Variants in DNAH1 observed in about 807,000 individuals in gnomAD.
DNAH1 encodes dynein axonemal heavy chain 1, also known as axonemal beta dynein heavy chain 1.
DNAH1 carries 327 observed loss-of-function variants against 484.3 expected under a neutral mutation model. The observed-to-expected ratio is 0.68, with a 90% CI of 0.62 to 0.74. DNAH1 has a LOEUF of 0.74. Ranked by LOEUF, DNAH1 falls within the 30% of genes least tolerant of loss-of-function variation. The pLI is 0.00. For synonymous variants in DNAH1, 2,192 were observed against 2,191.9 expected, an observed-to-expected ratio of 1.00 and a Z score of 0.00; for missense variants, 5,052 against 5,546.8, an observed-to-expected ratio of 0.91 and a Z score of 2.83.
chr3:52,397,078 C>T, intron 73 of DNAH1, 34 bp downstream of exon 73: 4 of 1,544,404 alleles, frequency 2.6e-6, no homozygotes, highest in Non-Finnish European at 3.5e-6. Flanking sequence ...ACAGGAGGGG[C>T]CTGCCAGCCT....
rs1559491280 is a variant in DNAH1 at position 52,327,955 on chromosome 3, T to C, written c.812T>C (p.Leu271Pro). ...AACATGGGCTTGGAGCCAGGGTCTCTGGACAGGAAACCTGTCCCGGGAAAA... is the reference window on the plus strand; with the variant it reads ...AACATGGGCTTGGAGCCAGGGTCTCCGGACAGGAAACCTGTCCCGGGAAAA... ...WINMGLEPGSLDRKPVPGKAL... is the reference protein window; with the variant it reads ...WINMGLEPGSPDRKPVPGKAL... Residue 271 changes from leucine (L) to proline (P), a missense_variant, in exon 6 of 78, where the codon CTG becomes CCG. This residue lies in a region of DNAH1 where 1,263 missense variants were observed against 1,218.8 expected (regional missense o/e 1.04). Coordinates refer to ENST00000420323, the MANE Select transcript of DNAH1 (RefSeq NM_015512.5). The C allele has an allele frequency of 6.2e-7, 1 of 1,613,978 alleles. No individual in the cohort carries two copies. Among genetic ancestry groups the C allele is most frequent in the South Asian group, 1.1e-5 (1 of 91,084 alleles).
Position 52,391,314 on chromosome 3 carries a change from G to A in DNAH1, c.9877G>A (p.Val3293Met). 6.2e-7 allele frequency: 1 copy of A among 1,610,746 alleles called. No homozygotes were observed. Among genetic ancestry groups the A allele is most frequent in the Non-Finnish European group, 8.5e-7 (1 of 1,178,460 alleles). ...GEELDPALEP[V>M]LLKQTYKQQG... ...GGAGCTAGACCCAGCCCTGGAGCCA[G>A]TGCTGCTCAAGCAGGTGGGTCTGCA... The change falls in exon 62 of 78, where the codon GTG (valine) becomes ATG (methionine). Residue 3293 changes from valine to methionine, a missense_variant. Transcript: ENST00000420323.
chr3:52,340,844 C>T (rs902833112), intron 8 of DNAH1, among the ~76,000 whole-genome samples: 1 of 152,120 alleles, frequency 6.6e-6, no homozygotes, highest in Admixed American at 6.5e-5. Context: ...GTGTGAGAGA[C>T]AGCTCACTGG....
At chr3:52,360,552 A>G (rs1459298753) in intron 28 of DNAH1, 128 bp downstream of exon 28, 4 of 745,396 alleles carry the variant, frequency 5.4e-6, no homozygotes, top group Middle Eastern at 7.7e-4. Context: ...GGTTAGGACC[A>G]AGGGCTTTGG....
chr3:52,346,461 G>T lies in DNAH1; in HGVS notation c.1657-11G>T, dbSNP rs1442719088. 3 of 1,601,194 alleles carry T rather than the reference G, an allele frequency of 1.9e-6. No homozygotes were observed. In the South Asian group the frequency reaches 3.4e-5, roughly 18 times the overall value. ...AGGGTGGCCATATGATGATGCCTGTGGCCACTCTAGGTGCAGATGTTCCTC... is the reference window on the plus strand; with the variant it reads ...AGGGTGGCCATATGATGATGCCTGTTGCCACTCTAGGTGCAGATGTTCCTC... On this transcript the variant is annotated splice_polypyrimidine_tract_variant and intron_variant, in intron 10 of 77. Coordinates refer to ENST00000420323, the MANE Select transcript of DNAH1 (RefSeq NM_015512.5).
intron 46 of DNAH1, among the ~76,000 whole-genome samples, chr3:52,376,451 G>C (rs999734658): frequency 6.6e-6 from 1 of 152,288 alleles, no homozygotes; most frequent in Middle Eastern, 3.4e-3. Context: ...GCCTTCAGCT[G>C]AAAGAGGCTG....
At chr3:52,344,257 T>C (rs1332305960) in intron 8 of DNAH1, among the ~76,000 whole-genome samples, 1 of 146,422 alleles carries the variant, frequency 6.8e-6, no homozygotes, top group Non-Finnish European at 1.5e-5. Context: ...CAACAGAAAA[T>C]GGGGACAAGG....
chr3:52,383,422 G>A lies in DNAH1; in HGVS notation c.7978G>A (p.Val2660Ile), dbSNP rs768620121. Residue 2660 changes from valine (V) to isoleucine (I), a missense_variant, in exon 51 of 78, where the codon GTC becomes ATC. This residue lies in a region of DNAH1 where 2,929 missense variants were observed against 3,409.4 expected (regional missense o/e 0.86). Transcript: ENST00000420323. Reference sequence around the variant, plus strand: ...ATCCTTCCTGGAAGATATCAACAACGTCCTAAACTCTGGTGACATTCCCAA... The same window carrying A: ...ATCCTTCCTGGAAGATATCAACAACATCCTAAACTCTGGTGACATTCCCAA... ...NESFLEDINN[V>I]LNSGDIPNLY... The A allele has an allele frequency of 1.1e-5, 17 of 1,613,834 alleles. No individual in the cohort carries two copies. The highest frequency in any genetic ancestry group is 4.5e-5 in the East Asian group (2 of 44,898).
Position 52,396,889 on chromosome 3 carries a change from G to T in DNAH1, c.11632G>T (p.Glu3878Ter), listed in dbSNP as rs2153225789. The T allele has an allele frequency of 6.2e-7, 1 of 1,613,466 alleles. No individual in the cohort carries two copies. The highest frequency in any genetic ancestry group is 1.1e-5 in the South Asian group (1 of 91,076). Residue 3878 changes from glutamate (E) to a stop codon, truncating the protein, a stop_gained, in exon 73 of 78, where the codon GAG becomes TAG. Transcript: ENST00000420323. LOFTEE classifies it high-confidence loss of function. Reference sequence around the variant, plus strand: ...ATAGGTCCTCAAGTACACGGCAGGGGAGATCAATTACGGGGGCCGTGTCAC... The same window carrying T: ...ATAGGTCCTCAAGTACACGGCAGGGTAGATCAATTACGGGGGCCGTGTCAC... The part of the protein sequence containing the change: ...PYKVLKYTAG[E>*]INYGGRVTDD...
chr3:52,350,450 C>T (rs1702328229), intron 15 of DNAH1, 58 bp from the exon 16 acceptor site: 40 of 1,537,334 alleles, frequency 2.6e-5, no homozygotes, highest in South Asian at 9.2e-5. Context: ...AGCCAGGTTC[C>T]GATTACCCAC....
chr3:52,398,188 C>T, intron 75 of DNAH1, 26 bp downstream of exon 75: 1 of 1,589,620 alleles, frequency 6.3e-7, no homozygotes, highest in Non-Finnish European at 8.6e-7. Flanking sequence ...TACCCCTGCC[C>T]CGAGTCAGCG....
intron 56 of DNAH1, 136 bp downstream of exon 56, chr3:52,386,989 A>G (rs1472828223): frequency 3.2e-6 from 3 of 937,038 alleles, no homozygotes; most frequent in Non-Finnish European, 4.7e-6. Flanking sequence ...CTCTCTGTCC[A>G]CCTCCACACC....
Position 52,383,960 on chromosome 3 carries a change from A to G in DNAH1, c.8251A>G (p.Lys2751Glu). ...WFNEWPAEAL[K>E]SVATVFLNEI... Reference sequence around the variant, plus strand: ...TAACGAGTGGCCGGCAGAAGCCCTGAAGTCTGTGGCCACCGTGTTCCTCAA... The same window carrying G: ...TAACGAGTGGCCGGCAGAAGCCCTGGAGTCTGTGGCCACCGTGTTCCTCAA... Residue 2751 changes from lysine to glutamate, a missense_variant, in exon 52 of 78, where the codon AAG (lysine) becomes GAG (glutamate). By Grantham distance (56) the Lys-to-Glu change is moderately conservative. Around this residue, in one of 4 missense-constraint regions of DNAH1, gnomAD observed 2,929 missense variants for 3,409.4 expected, o/e 0.86. Transcript: ENST00000420323. 2 of 1,612,548 alleles carry G rather than the reference A, an allele frequency of 1.2e-6. No homozygotes were observed. The highest frequency in any genetic ancestry group is 1.7e-6 in the Non-Finnish European group (2 of 1,179,306).
chr3:52,328,010 G>T lies in DNAH1; in HGVS notation c.867G>T (p.Gly289=), dbSNP rs1203655427. The T allele has an allele frequency of 4.3e-6, 7 of 1,613,428 alleles. No homozygotes were observed. The highest frequency in any genetic ancestry group is 1.1e-5 in the South Asian group (1 of 91,080). The part of the protein sequence containing the change: ...KALLPTDDFL[G]HEDPKSQKLK... ...TCTTGCCCACTGATGACTTCCTGGG[G>T]CATGGTGAGCAAGGCCACTCTGGAG... Residue 289 remains glycine, a synonymous_variant, in exon 6 of 78, where the codon GGG becomes GGT. Coordinates refer to ENST00000420323, the MANE Select transcript of DNAH1 (RefSeq NM_015512.5).
At chr3:52,339,084 A>G (rs1701836393) in intron 8 of DNAH1, among the ~76,000 whole-genome samples, 1 of 151,644 alleles carries the variant, frequency 6.6e-6, no homozygotes, top group African/African-American at 2.4e-5. Context: ...GTTCTGTTCC[A>G]TTCTTTTGTT....
intron 63 of DNAH1, 78 bp downstream of exon 63, chr3:52,391,681 C>T (rs898996703): frequency 6.4e-7 from 1 of 1,551,762 alleles, no homozygotes; most frequent in African/African-American, 1.4e-5. Flanking sequence ...CACCCCCAGG[C>T]CGGGAGTCAG....
chr3:52,380,082 A>G lies in DNAH1; in HGVS notation c.7555A>G (p.Met2519Val), dbSNP rs538325225. ...PFQPILYGDF[M>V]SPGSDVKSYE... ...CCAGCCCATTCTTTACGGGGACTTCATGTCACCAGGCTCCGATGTCAAGTC... is the reference window on the plus strand; with the variant it reads ...CCAGCCCATTCTTTACGGGGACTTCGTGTCACCAGGCTCCGATGTCAAGTC... Residue 2519 changes from methionine (M) to valine (V), a missense_variant, in exon 48 of 78, where the codon ATG becomes GTG. Coordinates refer to ENST00000420323, the MANE Select transcript of DNAH1 (RefSeq NM_015512.5). 1.1e-4 allele frequency: 170 copies of G among 1,605,760 alleles called. 2 individuals are homozygous for G. In the South Asian group the frequency reaches 1.6e-3, roughly 16 times the overall value.
intron 34 of DNAH1, among the ~76,000 whole-genome samples, chr3:52,366,080 C>T (rs903894526): frequency 1.3e-5 from 2 of 152,202 alleles, no homozygotes; most frequent in African/African-American, 4.8e-5. Context: ...AGGATCTTGT[C>T]TCTAGGAGTT....
intron 3 of DNAH1, among the ~76,000 whole-genome samples, chr3:52,324,331 G>C (rs1052998218): frequency 6.6e-6 from 1 of 152,204 alleles, no homozygotes; most frequent in Non-Finnish European, 1.5e-5. Context: ...CTCCTCTCAG[G>C]CTCATGGAGA....
Sources: gnomAD v4.1 joint callset for allele counts (sites outside exome capture counted in the v4.1 genomes callset) on GRCh38, gnomAD v4.1.1 for gene constraint, gnomAD v4.1.1 regional missense constraint, MANE v1.5 for transcripts, NCBI Gene and HGNC (gene_info 2026-07-23, HGNC 2026-07-21) for gene names.